KCNH5: variants seen among roughly 807,000 people sequenced by gnomAD.
KCNH5 encodes the protein voltage-gated delayed rectifier potassium channel KCNH5.
Under a neutral mutation model 96.1 loss-of-function variants are expected in KCNH5, and 46 were observed. The observed-to-expected ratio is 0.48, with a 90% CI of 0.38 to 0.61. KCNH5 has a LOEUF of 0.61. Ranked by LOEUF, KCNH5 falls within the 20% of genes least tolerant of loss-of-function variation. The probability of loss-of-function intolerance (pLI) is 0.00; values close to 1 mark genes in which losing one functional copy is unlikely to be tolerated. For synonymous variants in KCNH5, 439 were observed against 449.8 expected, an observed-to-expected ratio of 0.98 and a Z score of 0.30; for missense variants, 907 against 1,225.8, an observed-to-expected ratio of 0.74 and a Z score of 3.88.
intron 10 of KCNH5, among the ~76,000 whole-genome samples, chr14:62,776,354 C>A (rs1886096018): frequency 6.6e-6 from 1 of 152,012 alleles, no homozygotes; most frequent in South Asian, 2.1e-4. Flanking sequence ...CACCTCCCAT[C>A]TCTCTACCTC....
At chr14:63,019,169 A>G (rs1051171979) in intron 1 of KCNH5, among the ~76,000 whole-genome samples, 1 of 152,042 alleles carries the variant, frequency 6.6e-6, no homozygotes, top group East Asian at 1.9e-4. Context: ...AGATAGAATG[A>G]AAACTAGCAA....
In KCNH5 at chr14:63,009,337, G is replaced by A. The variant is rs1029120423; in HGVS notation, c.198-2865C>T. On this transcript the variant is annotated intron_variant, in intron 2 of 10. Coordinates refer to ENST00000322893, the MANE Select transcript of KCNH5 (RefSeq NM_139318.5). ...CTGAAGAGAAGATAAAAACAAACAA[G>A]CAATTTTTAAATAAACCATAAAAAT... Among the ~76,000 whole-genome samples, 4 of 152,184 alleles carry A rather than the reference G, an allele frequency of 2.6e-5. No homozygotes were observed. In the East Asian group the frequency reaches 7.7e-4, roughly 29 times the overall value.
intron 7 of KCNH5, among the ~76,000 whole-genome samples, chr14:62,937,326 T>C (rs1219991649): frequency 6.6e-6 from 1 of 152,216 alleles, no homozygotes; most frequent in East Asian, 1.9e-4. Context: ...TTTGACCCTG[T>C]ACAGTCTATT....
At chr14:62,977,479 T>TAG (rs1359068056) in intron 6 of KCNH5, among the ~76,000 whole-genome samples, 4 of 152,086 alleles carry the variant, frequency 2.6e-5, no homozygotes, top group Non-Finnish European at 5.9e-5. Context: ...TGAGCGAAAG[T>TAG]AGAAAGGGGA....
Position 62,707,669 on chromosome 14 carries a change from C to T in KCNH5, c.2806G>A (p.Ala936Thr), listed in dbSNP as rs1410519496. 1 of 1,588,822 alleles carries T rather than the reference C, an allele frequency of 6.3e-7. No homozygotes were observed. The highest frequency in any genetic ancestry group is 1.4e-5 in the African/African-American group (1 of 73,984). ...TCCGACAGTATTTTTAAAATTTCTG[C>T]CACCTGCTTTTCTAGGGCAGTCATT... Reference protein sequence around the residue: ...CRMTALEKQVAEILKILSEKS... With the variant: ...CRMTALEKQVTEILKILSEKS... The change falls in exon 11 of 11, where the codon GCA becomes ACA. Residue 936 changes from alanine to threonine, a missense_variant. Coordinates refer to ENST00000322893, the MANE Select transcript of KCNH5 (RefSeq NM_139318.5).
rs572578081 is a variant in KCNH5, at chr14:62,882,165, C to G, written c.1370-32313G>C. Among the ~76,000 whole-genome samples, 53 of 142,802 alleles carry G rather than the reference C, an allele frequency of 3.7e-4. 2 individuals carry two copies. Among genetic ancestry groups the G allele is most frequent in the African/African-American group, 1.2e-3 (47 of 38,590 alleles). The allele number at this position is 142,802 out of a possible 152,430, so 93.7% of individuals were successfully genotyped here. On this transcript the variant is annotated intron_variant, in intron 7 of 10. Transcript: ENST00000322893. ...TGGTATGAGCCAGTAGTCTCAGCTA[C>G]TTGGGAAGCTGAGGCTTGGGCCCAC...
chr14:62,972,720 C>T (rs1890432639), intron 6 of KCNH5, among the ~76,000 whole-genome samples: 1 of 151,636 alleles, frequency 6.6e-6, no homozygotes, highest in African/African-American at 2.4e-5. Context: ...CACAGAGGAA[C>T]CTTAAATGCC....
At chr14:63,010,510 A>G (rs1891205333) in intron 2 of KCNH5, among the ~76,000 whole-genome samples, 1 of 152,158 alleles carries the variant, frequency 6.6e-6, no homozygotes, top group Admixed American at 6.5e-5. Context: ...CAAGCCCATG[A>G]GGTTGAAGCA....
rs996321451 is a variant in KCNH5, at chr14:62,701,612, A to G, written c.*5896T>C. 2 of 152,120 alleles carry G rather than the reference A, an allele frequency of 1.3e-5. No homozygotes were observed. The highest frequency in any genetic ancestry group is 4.8e-5 in the African/African-American group (2 of 41,450). The allele number at this position is 152,120 out of a possible 1,614,324, so 9.4% of individuals were successfully genotyped here. A position where few individuals can be genotyped will look rare whatever the true frequency, so the allele number is the denominator to read the frequency against. ...TTTAAAAGTAGGATTCTTCCTTTCT[A>G]TGATTACCTCTGGCTCAGTTATTAG... On this transcript the variant is annotated 3_prime_UTR_variant, in exon 11 of 11. Coordinates refer to ENST00000322893, the MANE Select transcript of KCNH5 (RefSeq NM_139318.5).
At chr14:62,878,262 G>A (rs1888422923) in intron 7 of KCNH5, among the ~76,000 whole-genome samples, 1 of 151,404 alleles carries the variant, frequency 6.6e-6, no homozygotes. Flanking sequence ...ACTAGTTAAT[G>A]GGTCCAGCAC....
chr14:62,727,600 C>G (rs1884956996), intron 10 of KCNH5, among the ~76,000 whole-genome samples: 1 of 151,856 alleles, frequency 6.6e-6, no homozygotes, highest in Non-Finnish European at 1.5e-5. Context: ...AAGTGTTTGT[C>G]CCATCCCCAA....
chr14:62,958,492 T>C (rs1375231644), intron 6 of KCNH5, among the ~76,000 whole-genome samples: 1 of 152,198 alleles, frequency 6.6e-6, no homozygotes, highest in African/African-American at 2.4e-5. Context: ...AAATTTTGAA[T>C]TGAATCATCC....
intron 1 of KCNH5, among the ~76,000 whole-genome samples, chr14:63,030,668 A>G (rs10149063): frequency 0.049 from 7,386 of 152,254 alleles, 203 homozygotes; most frequent in East Asian, 0.062. Context: ...AGGCATCAAT[A>G]CTTATTGTTA....
At chr14:62,957,577 A>G (rs1436101695) in intron 6 of KCNH5, among the ~76,000 whole-genome samples, 2 of 152,140 alleles carry the variant, frequency 1.3e-5, no homozygotes, top group Admixed American at 6.6e-5. Context: ...TCTGTTTCCT[A>G]TCTCTTAAAT....
At chr14:62,753,597 G>C (rs1425552534) in intron 10 of KCNH5, among the ~76,000 whole-genome samples, 1 of 152,166 alleles carries the variant, frequency 6.6e-6, no homozygotes, top group Non-Finnish European at 1.5e-5. Context: ...AGCAGGAGGA[G>C]AAAAGAAACA....
chr14:62,917,501 A>C (rs1344595579), intron 7 of KCNH5, among the ~76,000 whole-genome samples: 2 of 152,154 alleles, frequency 1.3e-5, no homozygotes, highest in Non-Finnish European at 2.9e-5. Flanking sequence ...TGAAGACTGA[A>C]AGTGTCCTGT....
chr14:62,998,731 A>T (rs1890956003), intron 4 of KCNH5, among the ~76,000 whole-genome samples: 2 of 152,118 alleles, frequency 1.3e-5, no homozygotes, highest in South Asian at 4.1e-4. Context: ...AACATGTTTC[A>T]TTTCCAAATA....
intron 5 of KCNH5, among the ~76,000 whole-genome samples, chr14:62,985,167 A>C (rs1566730791): frequency 6.6e-6 from 1 of 152,330 alleles, no homozygotes; most frequent in East Asian, 1.9e-4. Flanking sequence ...TACTAATTGC[A>C]TATTATCTTT....
chr14:62,921,037 T>C (rs1278416902), intron 7 of KCNH5, among the ~76,000 whole-genome samples: 1 of 152,186 alleles, frequency 6.6e-6, no homozygotes, highest in Non-Finnish European at 1.5e-5. Flanking sequence ...TGTGTTTTTG[T>C]ATGGCTCTCT....
Sources: gnomAD v4.1 joint callset for allele counts (sites outside exome capture counted in the v4.1 genomes callset) on GRCh38, gnomAD v4.1.1 for gene constraint, MANE v1.5 for transcripts, NCBI Gene and HGNC (gene_info 2026-07-23, HGNC 2026-07-21) for gene names.